Variants in BCL2 observed in about 807,000 individuals in gnomAD.
The protein encoded by BCL2 is apoptosis regulator Bcl-2.
Under a neutral mutation model 14.2 loss-of-function variants are expected in BCL2, and 1 was observed. That is an observed-to-expected ratio of 0.07 (90% CI 0.02 to 0.33). BCL2 has a LOEUF of 0.33. BCL2 is among the 10% of genes least tolerant of loss of function. BCL2 has a pLI of 0.99. For synonymous variants in BCL2, 151 were observed against 137.2 expected (o/e 1.10, Z -0.70); for missense variants, 247 against 305.9 (o/e 0.81, Z 1.44).
intron 2 of BCL2, among the ~76,000 whole-genome samples, chr18:63,241,847 G>A (rs1911011509): frequency 6.6e-6 from 1 of 152,184 alleles, no homozygotes. Flanking sequence ...TCGCTATCAG[G>A]TCACCTTTCG....
intron 2 of BCL2, among the ~76,000 whole-genome samples, chr18:63,311,917 T>G (rs923100260): frequency 6.6e-6 from 1 of 152,216 alleles, no homozygotes; most frequent in African/African-American, 2.4e-5. Context: ...TTTAGTTTAG[T>G]TAGTCAAACA....
intron 2 of BCL2, among the ~76,000 whole-genome samples, chr18:63,246,587 C>G (rs1017066003): frequency 2.0e-5 from 3 of 152,152 alleles, no homozygotes; most frequent in African/African-American, 7.2e-5. Context: ...CAATTACATC[C>G]TACCCGCTCC....
At chr18:63,231,427 G>T (rs143185798) in intron 2 of BCL2, among the ~76,000 whole-genome samples, 6 of 152,086 alleles carry the variant, frequency 3.9e-5, no homozygotes, top group Non-Finnish European at 8.8e-5. Context: ...GGCATTATTT[G>T]CAAATGATAA....
intron 2 of BCL2, among the ~76,000 whole-genome samples, chr18:63,289,466 G>T (rs1912579677): frequency 6.6e-6 from 1 of 152,102 alleles, no homozygotes; most frequent in African/African-American, 2.4e-5. Flanking sequence ...AGGCAGGGCG[G>T]GTTCAGAGCA....
chr18:63,219,008 T>A (rs562686634), intron 2 of BCL2, among the ~76,000 whole-genome samples: 4 of 152,204 alleles, frequency 2.6e-5, no homozygotes, highest in Non-Finnish European at 5.9e-5. Context: ...AAGCATGAGT[T>A]GGTTGATATC....
intron 2 of BCL2, 184 bp downstream of exon 2, chr18:63,317,898 A>G: frequency 7.0e-7 from 1 of 1,427,244 alleles, no homozygotes; most frequent in Non-Finnish European, 9.2e-7. Flanking sequence ...GGCAGGCGTT[A>G]TCGGTCAGGT....
chr18:63,211,923 C>T (rs377569211), intron 2 of BCL2, among the ~76,000 whole-genome samples: 120 of 152,352 alleles, frequency 7.9e-4, no homozygotes, highest in African/African-American at 1.9e-3. Flanking sequence ...AATCAGGTTT[C>T]GCCAGAAATG....
intron 2 of BCL2, among the ~76,000 whole-genome samples, chr18:63,216,130 A>T (rs1415061944): frequency 6.6e-6 from 1 of 152,038 alleles, no homozygotes; most frequent in Non-Finnish European, 1.5e-5. Context: ...GTGGTGGGTT[A>T]TGAGTGATTT....
At chr18:63,223,834 T>G (rs150021309) in intron 2 of BCL2, among the ~76,000 whole-genome samples, 1 of 152,332 alleles carries the variant, frequency 6.6e-6, no homozygotes, top group Non-Finnish European at 1.5e-5. Context: ...CTCAGAGCTT[T>G]CAATACATCT....
chr18:63,176,227 A>G (rs1477521439), intron 2 of BCL2, among the ~76,000 whole-genome samples: 5 of 152,224 alleles, frequency 3.3e-5, no homozygotes, highest in African/African-American at 1.2e-4. Context: ...AGACTATTCA[A>G]TATTTTCTAT....
chr18:63,221,371 C>T (rs1022344101), intron 2 of BCL2, among the ~76,000 whole-genome samples: 1 of 151,272 alleles, frequency 6.6e-6, no homozygotes, highest in Non-Finnish European at 1.5e-5. Context: ...CTTCCCACTA[C>T]AAGGATGTGA....
chr18:63,306,842 CTT>C (rs11407054), intron 2 of BCL2, among the ~76,000 whole-genome samples: 50 of 140,830 alleles, frequency 3.6e-4, no homozygotes, highest in Non-Finnish European at 3.5e-4. Flanking sequence ...TTTTTTTGTG[CTT>C]TTTTTTTTTT....
intron 2 of BCL2, among the ~76,000 whole-genome samples, chr18:63,210,981 G>T (rs1466434070): frequency 3.3e-5 from 5 of 150,730 alleles, no homozygotes; most frequent in African/African-American, 9.8e-5. Context: ...CTCAAATCCT[G>T]CTCTGTCCTT....
chr18:63,277,073 G>C (rs184633668), intron 2 of BCL2, among the ~76,000 whole-genome samples: 10 of 152,126 alleles, frequency 6.6e-5, no homozygotes, highest in Admixed American at 3.9e-4. Context: ...TTTCTCCCCT[G>C]TTGGCATGCC....
chr18:63,246,705 A>G (rs1911161102), intron 2 of BCL2, among the ~76,000 whole-genome samples: 1 of 152,090 alleles, frequency 6.6e-6, no homozygotes, highest in Admixed American at 6.5e-5. Context: ...TACGTTATCC[A>G]TTTTGTTGTC....
chr18:63,125,109 C>T lies in BCL2; in HGVS notation c.*3516G>A, dbSNP rs1913876574. Reference sequence around the variant, plus strand: ...CATTTAATCTTGATTATTATAACTCCTCTCGATTTATAATCACTTCCTAAT... The same window carrying T: ...CATTTAATCTTGATTATTATAACTCTTCTCGATTTATAATCACTTCCTAAT... On this transcript the variant is annotated 3_prime_UTR_variant, in exon 3 of 3. Coordinates refer to ENST00000333681, the MANE Select transcript of BCL2 (RefSeq NM_000633.3). 1 of 220,982 alleles carries T rather than the reference C, an allele frequency of 4.5e-6. No homozygotes were observed. Among genetic ancestry groups the T allele is most frequent in the Middle Eastern group, 1.4e-3 (1 of 734 alleles). The allele number at this position is 220,982 out of a possible 1,614,324, so 13.7% of individuals were successfully genotyped here. A position where few individuals can be genotyped will look rare whatever the true frequency, so the allele number is the denominator to read the frequency against.
chr18:63,192,958 C>T (rs1324332471), intron 2 of BCL2, among the ~76,000 whole-genome samples: 1 of 152,144 alleles, frequency 6.6e-6, no homozygotes, highest in Non-Finnish European at 1.5e-5. Context: ...ATTCTACAGC[C>T]ATACTTGTTT....
At chr18:63,211,247 G>A (rs1468108432) in intron 2 of BCL2, among the ~76,000 whole-genome samples, 3 of 151,524 alleles carry the variant, frequency 2.0e-5, no homozygotes, top group Non-Finnish European at 4.4e-5. Context: ...CAGTAGAGAC[G>A]GGATTTCACT....
At chr18:63,277,714 A>G (rs1204413140) in intron 2 of BCL2, among the ~76,000 whole-genome samples, 1 of 151,576 alleles carries the variant, frequency 6.6e-6, no homozygotes, top group Non-Finnish European at 1.5e-5. Flanking sequence ...CCCTATAACC[A>G]CTGTTGCAAA....
Sources: allele counts gnomAD v4.1 joint callset (sites outside exome capture counted in the v4.1 genomes callset), GRCh38; gene constraint gnomAD v4.1.1; transcripts MANE v1.5; gene names NCBI Gene and HGNC (gene_info 2026-07-23, HGNC 2026-07-21).